The following PHF3 variants were observed in gnomAD, a reference collection of about 807,000 sequenced individuals.
PHF3 encodes PHD finger protein 3.
Under a neutral mutation model 178.4 loss-of-function variants are expected in PHF3, and 41 were observed. The observed-to-expected ratio is 0.23, with a 90% CI of 0.18 to 0.30. The LOEUF is 0.30. Ranked by LOEUF, PHF3 falls within the 10% of genes least tolerant of loss-of-function variation. PHF3 has a pLI of 1.00. For missense variants in PHF3, 2,346 were observed against 2,398.1 expected (o/e 0.98, Z 0.45); for synonymous variants, 842 against 800.5 (o/e 1.05, Z -0.88).
intron 13 of PHF3, among the ~76,000 whole-genome samples, chr6:63,708,237 G>A (rs1466081459): frequency 2.6e-5 from 4 of 152,128 alleles, no homozygotes; most frequent in Non-Finnish European, 5.9e-5. Context: ...TTTTAAAAAT[G>A]TGAGCTTTAT....
chr6:63,716,654 T>C lies in PHF3; in HGVS notation c.*2946T>C, dbSNP rs1344124070. Among the ~76,000 whole-genome samples, 1 of 152,052 alleles carries C rather than the reference T, an allele frequency of 6.6e-6. No homozygotes were observed. The highest frequency in any genetic ancestry group is 1.5e-5 in the Non-Finnish European group (1 of 67,992). On this transcript the variant is annotated 3_prime_UTR_variant, in exon 16 of 16. Transcript: ENST00000262043. ...GTGTCAGCAAGATGCATTCATTTTC[T>C]GGAGACTTTCAGGGAGATTCCTTTT...
At chr6:63,699,308 A>G (rs894559008) in intron 8 of PHF3, among the ~76,000 whole-genome samples, 3 of 152,320 alleles carry the variant, frequency 2.0e-5, no homozygotes, top group South Asian at 4.1e-4. Flanking sequence ...CTTGTGTGTG[A>G]CATTTACCTA....
At chr6:63,638,360 A>G (rs1561933124) in intron 1 of PHF3, among the ~76,000 whole-genome samples, 1 of 152,116 alleles carries the variant, frequency 6.6e-6, no homozygotes. Flanking sequence ...AATTATACAT[A>G]CAATTCTGTG....
chr6:63,702,777 T>A, intron 10 of PHF3, 138 bp downstream of exon 10: 2 of 829,630 alleles, frequency 2.4e-6, no homozygotes, highest in East Asian at 2.7e-5. Flanking sequence ...ATTGGTTTAG[T>A]GGTTTTTTGA....
intron 2 of PHF3, among the ~76,000 whole-genome samples, chr6:63,652,916 C>T (rs190805962): frequency 6.6e-6 from 1 of 151,562 alleles, no homozygotes; most frequent in Admixed American, 6.6e-5. Flanking sequence ...CAGTACCATG[C>T]TGTATTGGTT....
chr6:63,652,194 C>T (rs902296356), intron 2 of PHF3, among the ~76,000 whole-genome samples: 3 of 151,980 alleles, frequency 2.0e-5, no homozygotes, highest in African/African-American at 7.3e-5. Flanking sequence ...ATATTCTTGC[C>T]AGTGTTTATT....
At position 63,718,120 on chromosome 6, in the gene PHF3, C is replaced by G. The variant is rs1335530392; in HGVS notation, c.*4412C>G. ...GATTTTAAGGTGAAAAATATATTTT[C>G]AAGTCATTTTGATTTATAGGAGAAA... is the stretch of plus-strand genomic sequence containing the variant. On this transcript the variant is annotated 3_prime_UTR_variant, in exon 16 of 16. Transcript: ENST00000262043. 2.0e-5 allele frequency among the ~76,000 whole-genome samples: 3 copies of G among 151,914 alleles called. No homozygotes were observed. The highest frequency in any genetic ancestry group is 7.2e-5 in the African/African-American group (3 of 41,388).
rs1768339645 is a variant in PHF3, at chr6:63,720,668, T to C, written c.*6960T>C. 1 of 1,542,388 alleles carries C rather than the reference T, an allele frequency of 6.5e-7. No individual in the cohort carries two copies. Among genetic ancestry groups the C allele is most frequent in the Non-Finnish European group, 8.7e-7 (1 of 1,143,306 alleles). ...CTAATTTAATTAGTTCAATGTTTTT[T>C]GGTTCCTGAAAAAATACAACATCTT... On this transcript the variant is annotated 3_prime_UTR_variant, in exon 16 of 16. Transcript: ENST00000262043.
intron 2 of PHF3, among the ~76,000 whole-genome samples, chr6:63,657,781 A>G (rs943576514): frequency 2.6e-5 from 4 of 152,070 alleles, no homozygotes; most frequent in African/African-American, 4.8e-5. Flanking sequence ...TAATTTTCCT[A>G]TTTGTTTATT....
rs947243397 is a variant in PHF3, at chr6:63,718,398, A to G, written c.*4690A>G. Among the ~76,000 whole-genome samples the G allele has an allele frequency of 5.9e-5, 9 of 152,072 alleles. No homozygotes were observed. The highest frequency in any genetic ancestry group is 2.9e-5 in the Non-Finnish European group (2 of 67,956). On this transcript the variant is annotated 3_prime_UTR_variant, in exon 16 of 16. Transcript: ENST00000262043. ...CAAAGCTTTTGTTTATATGGCTTAT[A>G]TCATTATTTAGCATACTAGAAAATC... is the stretch of plus-strand genomic sequence containing the variant.
At chr6:63,700,885 T>G (rs1767446813) in intron 9 of PHF3, among the ~76,000 whole-genome samples, 1 of 152,196 alleles carries the variant, frequency 6.6e-6, no homozygotes, top group Admixed American at 6.5e-5. Context: ...ATGCTTCTTT[T>G]AATTACTTGT....
Position 63,713,692 on chromosome 6 carries a change from C to T in PHF3, c.6104C>T (p.Thr2035Ile). The T allele has an allele frequency of 6.4e-7, 1 of 1,560,242 alleles. No homozygotes were observed. Among genetic ancestry groups the T allele is most frequent in the Non-Finnish European group, 8.6e-7 (1 of 1,160,852 alleles). The change falls in exon 16 of 16, where the codon ACT becomes ATT. Residue 2035 changes from threonine (T) to isoleucine (I), a missense_variant. By Grantham distance (89) the Thr-to-Ile change is moderately conservative (BLOSUM62 -1). Around this residue, in one of 8 missense-constraint regions of PHF3, gnomAD observed 839 missense variants for 806.9 expected, o/e 1.04. Transcript: ENST00000262043. ...YHKDRDHTDRTKSKR is the reference protein window; with the variant it reads ...YHKDRDHTDRIKSKR Reference sequence around the variant, plus strand: ...AAAGATAGGGACCACACTGACAGAACTAAAAGCAAAAGGTAAAATTTGCAG... The same window carrying T: ...AAAGATAGGGACCACACTGACAGAATTAAAAGCAAAAGGTAAAATTTGCAG...
Position 63,713,254 on chromosome 6 carries a change from A to T in PHF3, c.5666A>T (p.Asp1889Val). Residue 1889 changes from aspartate to valine, a missense_variant, in exon 16 of 16, where the codon GAC becomes GTC. This residue lies in a region of PHF3 where 839 missense variants were observed against 806.9 expected (regional missense o/e 1.04). Transcript: ENST00000262043. ...CCGCAGAATTTTTACCAGGTTAAAG[A>T]CATTCGGAGGCCAGAAAGGCGCCAT... ...IGPQNFYQVK[D>V]IRRPERRHSD... 3 of 1,614,040 alleles carry T rather than the reference A, an allele frequency of 1.9e-6. No individual in the cohort carries two copies. The highest frequency in any genetic ancestry group is 2.5e-6 in the Non-Finnish European group (3 of 1,179,990).
At chr6:63,646,863 C>T (rs1479470501) in intron 2 of PHF3, 68 bp downstream of exon 2, 13 of 1,064,224 alleles carry the variant, frequency 1.2e-5, no homozygotes, top group African/African-American at 6.4e-5. Context: ...TTTTCAGCAG[C>T]TTTTTCTTTT....
rs1386044843 is a variant in PHF3 at position 63,712,329 on chromosome 6, AAAC to A, written c.4744_4746del (p.Gln1582del). 5 of 1,613,110 alleles carry A rather than the reference AAAC, an allele frequency of 3.1e-6. No individual in the cohort carries two copies. Among genetic ancestry groups the A allele is most frequent in the Non-Finnish European group, 4.2e-6 (5 of 1,179,764 alleles). ...TTTAACAAATTTATCAATTCAGTCA[AAAC>A]AAGAGGAAACTGTGGAGAGTAAAGA... On this transcript the variant is annotated inframe_deletion, in exon 16 of 16. Coordinates refer to ENST00000262043, the MANE Select transcript of PHF3 (RefSeq NM_001370348.2).
intron 4 of PHF3, among the ~76,000 whole-genome samples, chr6:63,690,200 C>T (rs745976802): frequency 1.4e-4 from 22 of 152,132 alleles, no homozygotes; most frequent in South Asian, 6.2e-4. Flanking sequence ...TAACATTGTT[C>T]GAAAGTTTTC....
At chr6:63,693,856 G>A (rs1364291171) in intron 5 of PHF3, among the ~76,000 whole-genome samples, 1 of 152,166 alleles carries the variant, frequency 6.6e-6, no homozygotes, top group Non-Finnish European at 1.5e-5. Flanking sequence ...TATTTATTGA[G>A]TTTCTGTTGT....
rs1316016789 is a variant in PHF3 at position 63,725,268 on chromosome 6, T to G, written c.*11560T>G. Reference sequence around the variant, plus strand: ...GCATTGAATAACAGATGTAAGAAGATGTGCTCTTGCCCTCCTATGTGTATT... The same window carrying G: ...GCATTGAATAACAGATGTAAGAAGAGGTGCTCTTGCCCTCCTATGTGTATT... On this transcript the variant is annotated 3_prime_UTR_variant, in exon 16 of 16. Coordinates refer to ENST00000262043, the MANE Select transcript of PHF3 (RefSeq NM_001370348.2). Among the ~76,000 whole-genome samples, 1 of 152,142 alleles carries G rather than the reference T, an allele frequency of 6.6e-6. No individual in the cohort carries two copies. The highest frequency in any genetic ancestry group is 1.5e-5 in the Non-Finnish European group (1 of 67,968).
chr6:63,647,934 T>G (rs1764859088), intron 2 of PHF3, among the ~76,000 whole-genome samples: 1 of 152,194 alleles, frequency 6.6e-6, no homozygotes, highest in Non-Finnish European at 1.5e-5. Flanking sequence ...TTTTCTCCTG[T>G]ACAGTTTGTT....
Sources: allele counts gnomAD v4.1 joint callset (sites outside exome capture counted in the v4.1 genomes callset), GRCh38; gene constraint gnomAD v4.1.1; regional missense constraint gnomAD v4.1.1; transcripts MANE v1.5; gene names NCBI Gene and HGNC (gene_info 2026-07-23, HGNC 2026-07-21).